TPR: variants seen among roughly 807,000 people sequenced by gnomAD.
TPR encodes the protein nucleoprotein TPR.
In TPR, 51 loss-of-function variants were observed where a neutral mutation model predicts 316.1. The observed-to-expected ratio is 0.16, with a 90% CI of 0.13 to 0.20. The LOEUF (loss-of-function observed/expected upper bound fraction) is 0.20, where lower values mean the gene tolerates loss of function less well. Ranked by LOEUF, TPR falls within the 10% of genes least tolerant of loss-of-function variation. The pLI, the probability that TPR is intolerant of heterozygous loss-of-function variation, is 1.00. For synonymous variants in TPR, 981 were observed against 914.7 expected, an observed-to-expected ratio of 1.07 and a Z score of -1.31; for missense variants, 2,272 against 2,754.8, an observed-to-expected ratio of 0.82 and a Z score of 3.92.
In TPR at chr1:186,313,785, G is replaced by A. The variant is rs750322084; in HGVS notation, c.*186C>T. On this transcript the variant is annotated 3_prime_UTR_variant, in exon 51 of 51. Coordinates refer to ENST00000367478, the MANE Select transcript of TPR (RefSeq NM_003292.3). ...CTGGTACAACTGTCCTTAGACTGAT[G>A]AGCAAAGGAGGAGTCAACTAATGAA... 4 of 1,577,672 alleles carry A rather than the reference G, an allele frequency of 2.5e-6. No homozygotes were observed. The highest frequency in any genetic ancestry group is 1.3e-5 in the African/African-American group (1 of 74,146).
chr1:186,350,994 C>T (rs1447934907), intron 20 of TPR, among the ~76,000 whole-genome samples: 1 of 152,138 alleles, frequency 6.6e-6, no homozygotes, highest in Non-Finnish European at 1.5e-5. Context: ...AAAGTATTGG[C>T]CTCAGTTCCA....
chr1:186,338,592 A>AT (rs1558006715), intron 30 of TPR, among the ~76,000 whole-genome samples: 1 of 152,104 alleles, frequency 6.6e-6, no homozygotes, highest in Non-Finnish European at 1.5e-5. Flanking sequence ...GTATTGTCAA[A>AT]TTTTTTCTGT....
At chr1:186,356,021 TG>T (rs919166737) in intron 15 of TPR, among the ~76,000 whole-genome samples, 3 of 152,222 alleles carry the variant, frequency 2.0e-5, no homozygotes, top group Non-Finnish European at 4.4e-5. Context: ...AAAACATATC[TG>T]TTTTGGTCAT....
intron 1 of TPR, among the ~76,000 whole-genome samples, chr1:186,374,616 T>A (rs1043526152): frequency 6.6e-6 from 1 of 152,344 alleles, no homozygotes; most frequent in South Asian, 2.1e-4. Flanking sequence ...GTTTCCCGTC[T>A]GCCGGACGAA....
At chr1:186,327,388 T>C (rs1458230495) in intron 40 of TPR, 72 bp downstream of exon 40, 3 of 1,454,674 alleles carry the variant, frequency 2.1e-6, no homozygotes, top group Non-Finnish European at 2.8e-6. Context: ...AGCCAATGCA[T>C]TAGTATCCCA....
intron 9 of TPR, 122 bp downstream of exon 9, chr1:186,361,500 G>T: frequency 2.3e-6 from 2 of 860,912 alleles, no homozygotes; most frequent in Non-Finnish European, 3.6e-6. Flanking sequence ...TCTTTCTTCT[G>T]TACCTAATTC....
At position 186,371,065 on chromosome 1, in the gene TPR, A is replaced by C. The variant is rs749792590; in HGVS notation, c.257-22T>G. 6 of 1,583,472 alleles carry C rather than the reference A, an allele frequency of 3.8e-6. No homozygotes were observed. The South Asian group carries it at 6.6e-5, about 18-fold the overall frequency. ...TTGTCTGGATAAAAGGAATTTTATG[A>C]ATACATACACATTTGCTTAAAACTT... On this transcript the variant is annotated intron_variant, in intron 2 of 50. Coordinates refer to ENST00000367478, the MANE Select transcript of TPR (RefSeq NM_003292.3).
At chr1:186,340,155 A>G (rs1331094598) in intron 29 of TPR, among the ~76,000 whole-genome samples, 1 of 152,204 alleles carries the variant, frequency 6.6e-6, no homozygotes, top group Non-Finnish European at 1.5e-5. Context: ...CAAGTTAAAC[A>G]CACAAACCTT....
rs200189169 is a variant in TPR, at chr1:186,334,396, G to A, written c.5111C>T (p.Ala1704Val). Residue 1704 changes from alanine (A) to valine (V), a missense_variant, in exon 36 of 51, where the codon GCA becomes GTA. By Grantham distance (64) the Ala-to-Val change is moderately conservative (BLOSUM62 0). Around this residue, in one of 10 missense-constraint regions of TPR, gnomAD observed 109 missense variants for 215.3 expected, o/e 0.51. Transcript: ENST00000367478. ...RASIRPMVTP[A>V]TVTNPTTTPT... is the part of the protein sequence containing the mutation. Reference sequence around the variant, plus strand: ...GGTAGTAGTGGGATTTGTAACAGTTGCAGGTGTAACCATTGGGCGGATACT... The same window carrying A: ...GGTAGTAGTGGGATTTGTAACAGTTACAGGTGTAACCATTGGGCGGATACT... The A allele has an allele frequency of 6.2e-7, 1 of 1,613,622 alleles. No individual in the cohort carries two copies. The highest frequency in any genetic ancestry group is 8.5e-7 in the Non-Finnish European group (1 of 1,179,730).
intron 32 of TPR, 152 bp downstream of exon 32, chr1:186,336,861 T>C (rs16825183): frequency 0.17 from 219,097 of 1,309,876 alleles, 19,625 homozygotes; most frequent in African/African-American, 0.29. Context: ...TTGAAGATGA[T>C]TGGGTACTAC....
chr1:186,359,405 T>C (rs1327914926), intron 12 of TPR, among the ~76,000 whole-genome samples: 2 of 152,102 alleles, frequency 1.3e-5, no homozygotes, highest in Non-Finnish European at 2.9e-5. Flanking sequence ...CAAACAATAT[T>C]ATTATTTCTA....
chr1:186,311,738 G>C lies in TPR; in HGVS notation c.*2233C>G. On this transcript the variant is annotated 3_prime_UTR_variant, in exon 51 of 51. Transcript: ENST00000367478. ...TCAGTGAAAAAAATCAATATTGAGG[G>C]TAGTATTCTTATTGCCCTCAATTTT... The C allele has an allele frequency of 2.2e-6, 2 of 899,136 alleles. No homozygotes were observed. Among genetic ancestry groups the C allele is most frequent in the Non-Finnish European group, 3.4e-6 (2 of 595,114 alleles). The allele number at this position is 899,136 out of a possible 1,614,324, so 55.7% of individuals were successfully genotyped here.
At position 186,363,363 on chromosome 1, in the gene TPR, T is replaced by C. The variant is rs765430496; in HGVS notation, c.510A>G (p.Gln170=). The change falls in exon 5 of 51, where the codon CAA becomes CAG. Residue 170 remains glutamine, a synonymous_variant. Coordinates refer to ENST00000367478, the MANE Select transcript of TPR (RefSeq NM_003292.3). The part of the protein sequence containing the change: ...GELQLKLDEL[Q]ASDVSVKYRE... ...TTGCCTTAACAGAAACATCAGAAGC[T>C]TGAAGTTCATCCAATTTTAACTGAA... 2.5e-6 allele frequency: 4 copies of C among 1,612,626 alleles called. No individual in the cohort carries two copies. The highest frequency in any genetic ancestry group is 3.4e-6 in the Non-Finnish European group (4 of 1,178,994).
chr1:186,351,284 C>T (rs751623380), intron 20 of TPR, 46 bp downstream of exon 20: 1 of 1,531,718 alleles, frequency 6.5e-7, no homozygotes, highest in Non-Finnish European at 8.7e-7. Context: ...AGATTAATTA[C>T]TGAACATAAA....
chr1:186,356,486 TGAGA>T (rs1207896295), intron 14 of TPR, 37 bp from the exon 15 acceptor site: 2 of 1,549,920 alleles, frequency 1.3e-6, no homozygotes, highest in Non-Finnish European at 1.8e-6. Flanking sequence ...AGGACTGAAC[TGAGA>T]GTTAACTGAT....
chr1:186,351,718 GAATT>G (rs1247250882), intron 19 of TPR, among the ~76,000 whole-genome samples: 1 of 151,954 alleles, frequency 6.6e-6, no homozygotes, highest in East Asian at 1.9e-4. Flanking sequence ...AAAAACCAAA[GAATT>G]AATCTTATAA....
chr1:186,365,314 T>C (rs1659312268), intron 4 of TPR, among the ~76,000 whole-genome samples: 1 of 152,054 alleles, frequency 6.6e-6, no homozygotes, highest in Non-Finnish European at 1.5e-5. Context: ...CAGGCTAGTC[T>C]CGAACTCCTG....
chr1:186,373,615 T>C (rs773095992), intron 1 of TPR, 152 bp from the exon 2 acceptor site: 5 of 478,006 alleles, frequency 1.0e-5, no homozygotes, highest in South Asian at 4.6e-5. Context: ...TAAAGATAAA[T>C]AGACTGAGCA....
intron 26 of TPR, 22 bp from the exon 27 acceptor site, chr1:186,343,495 A>G: frequency 1.3e-6 from 2 of 1,591,010 alleles, no homozygotes; most frequent in Non-Finnish European, 1.7e-6. Context: ...CAGATATTAA[A>G]ATTTTATGTG....
Sources: gnomAD v4.1 joint callset for allele counts (sites outside exome capture counted in the v4.1 genomes callset) on GRCh38, gnomAD v4.1.1 for gene constraint, gnomAD v4.1.1 regional missense constraint, MANE v1.5 for transcripts, NCBI Gene and HGNC (gene_info 2026-07-23, HGNC 2026-07-21) for gene names.